The following CENPW variants were observed in gnomAD, a reference collection of about 807,000 sequenced individuals.
CENPW encodes centromere protein W, also known as cancer-up-regulated gene 2 protein.
A neutral mutation model predicts 11.1 loss-of-function variants in CENPW; 3 were observed. That is an observed-to-expected ratio of 0.27 (90% confidence interval 0.12 to 0.70). The LOEUF (loss-of-function observed/expected upper bound fraction) is 0.70, where lower values mean the gene tolerates loss of function less well. Among genes scored for constraint, CENPW ranks in the 30% least tolerant of loss-of-function variants. The pLI, the probability that CENPW is intolerant of heterozygous loss-of-function variation, is 0.77. For missense variants in CENPW, 100 were observed against 105.6 expected (o/e 0.95, Z 0.23); for synonymous variants, 38 against 42.0 (o/e 0.91, Z 0.37).
At chr6:126,446,744 A>C in the CENPW span, among the ~76,000 whole-genome samples, 1 of 151,234 alleles carries the variant, frequency 6.6e-6, no homozygotes, top group African/African-American at 2.4e-5. Context: ...ATATTATTAG[A>C]TATCAACATA....
the CENPW span, among the ~76,000 whole-genome samples, chr6:126,429,173 T>G: frequency 1.3e-5 from 2 of 152,246 alleles, no homozygotes; most frequent in East Asian, 3.8e-4. Flanking sequence ...GGCTAATGAT[T>G]ATTCCTTAGG....
chr6:126,392,766 T>C, the CENPW span, among the ~76,000 whole-genome samples: 1 of 151,992 alleles, frequency 6.6e-6, no homozygotes, highest in Non-Finnish European at 1.5e-5. Flanking sequence ...CTTTTTCTCA[T>C]GTGTCTTGGT....
chr6:126,390,591 TC>T, the CENPW span, among the ~76,000 whole-genome samples: 1 of 151,784 alleles, frequency 6.6e-6, no homozygotes, highest in Non-Finnish European at 1.5e-5. Context: ...TGTCCATTAA[TC>T]ATCCCCACTT....
At chr6:126,375,925 A>G in the CENPW span, among the ~76,000 whole-genome samples, 1 of 152,130 alleles carries the variant, frequency 6.6e-6, no homozygotes, top group Non-Finnish European at 1.5e-5. Flanking sequence ...AATTTAAAAG[A>G]TTTTGACCTT....
At chr6:126,460,320 T>A in the CENPW span, among the ~76,000 whole-genome samples, 19 of 151,740 alleles carry the variant, frequency 1.3e-4, no homozygotes, top group Non-Finnish European at 2.5e-4. Flanking sequence ...TGTTCACTAA[T>A]ACTCAAATTA....
chr6:126,456,500 T>A, the CENPW span, among the ~76,000 whole-genome samples: 1 of 151,642 alleles, frequency 6.6e-6, no homozygotes, highest in East Asian at 1.9e-4. Context: ...TGGCTAGCCA[T>A]ATGCAGAAGA....
chr6:126,373,758 T>C, the CENPW span, among the ~76,000 whole-genome samples: 3 of 152,182 alleles, frequency 2.0e-5, no homozygotes, highest in Non-Finnish European at 2.9e-5. Context: ...CTCCAAGAGT[T>C]AGAAAGTCAA....
chr6:126,356,812 TTA>T, the CENPW span, among the ~76,000 whole-genome samples: 1 of 152,278 alleles, frequency 6.6e-6, no homozygotes, highest in South Asian at 2.1e-4. Context: ...TTTAAGTTCT[TTA>T]TAGAGTCTAG....
chr6:126,355,172 A>G, the CENPW span, among the ~76,000 whole-genome samples: 3 of 152,308 alleles, frequency 2.0e-5, no homozygotes, highest in East Asian at 5.8e-4. Context: ...TGTACCTACT[A>G]CAGAGTTTAA....
At chr6:126,386,013 C>A in the CENPW span, among the ~76,000 whole-genome samples, 1 of 151,992 alleles carries the variant, frequency 6.6e-6, no homozygotes, top group Admixed American at 6.6e-5. Flanking sequence ...AATTCATAAA[C>A]CAAGAGAGTA....
At chr6:126,451,361 G>A in the CENPW span, among the ~76,000 whole-genome samples, 1 of 150,838 alleles carries the variant, frequency 6.6e-6, no homozygotes, top group Non-Finnish European at 1.5e-5. Context: ...AAGCCTACAG[G>A]TTTATCATTT....
chr6:126,398,054 A>T, the CENPW span, among the ~76,000 whole-genome samples: 1 of 152,092 alleles, frequency 6.6e-6, no homozygotes, highest in Non-Finnish European at 1.5e-5. Context: ...GTGTCTGTGC[A>T]TTCCAGTTTT....
At chr6:126,444,567 C>T in the CENPW span, among the ~76,000 whole-genome samples, 1 of 150,486 alleles carries the variant, frequency 6.6e-6, no homozygotes, top group African/African-American at 2.4e-5. Context: ...AGTTTTGTTC[C>T]CTTTCTTTAC....
At chr6:126,418,053 T>A in the CENPW span, among the ~76,000 whole-genome samples, 3 of 152,192 alleles carry the variant, frequency 2.0e-5, no homozygotes, top group Non-Finnish European at 4.4e-5. Context: ...GGATACCACT[T>A]CATGCCCAGT....
chr6:126,412,949 TCTTC>T, the CENPW span, among the ~76,000 whole-genome samples: 3 of 152,122 alleles, frequency 2.0e-5, no homozygotes, highest in Admixed American at 6.6e-5. Context: ...GTCTCAGTGT[TCTTC>T]CTATGATTTA....
At chr6:126,385,260 A>G in the CENPW span, among the ~76,000 whole-genome samples, 5 of 152,318 alleles carry the variant, frequency 3.3e-5, no homozygotes, top group African/African-American at 1.2e-4. Context: ...TACTGGGTAT[A>G]TACCCAAAGA....
the CENPW span, among the ~76,000 whole-genome samples, chr6:126,420,513 G>A: frequency 2.0e-4 from 30 of 152,300 alleles, no homozygotes; most frequent in African/African-American, 6.7e-4. Flanking sequence ...AGACAGGTAA[G>A]CTTAATTTGT....
the CENPW span, among the ~76,000 whole-genome samples, chr6:126,469,145 A>C: frequency 6.6e-6 from 1 of 152,084 alleles, no homozygotes; most frequent in Non-Finnish European, 1.5e-5. Context: ...CTGTGTCCCC[A>C]CCCAAATCTC....
chr6:126,481,156 T>G, the CENPW span, among the ~76,000 whole-genome samples: 2 of 152,088 alleles, frequency 1.3e-5, no homozygotes, highest in Non-Finnish European at 2.9e-5. Flanking sequence ...TCTTGTCGTC[T>G]CTTCATATTT....
Sources: gnomAD v4.1 joint callset for allele counts (sites outside exome capture counted in the v4.1 genomes callset) on GRCh38, gnomAD v4.1.1 for gene constraint, MANE v1.5 for transcripts, NCBI Gene and HGNC (gene_info 2026-07-23, HGNC 2026-07-21) for gene names.